SBF2: variants seen among roughly 807,000 people sequenced by gnomAD.
SBF2 encodes the protein SET binding factor 2.
SBF2 carries 112 observed loss-of-function variants against 225.2 expected under a neutral mutation model. The ratio of observed to expected loss-of-function variants is 0.50; its 90% CI spans 0.43 to 0.58. The LOEUF (loss-of-function observed/expected upper bound fraction) is 0.58. Ranked by LOEUF, SBF2 falls within the 20% of genes least tolerant of loss-of-function variation. SBF2 has a pLI of 0.00. For missense variants in SBF2, 1,996 were observed against 2,206.2 expected (o/e 0.90, Z 1.91); for synonymous variants, 763 against 773.3 (o/e 0.99, Z 0.22).
intron 2 of SBF2, among the ~76,000 whole-genome samples, chr11:10,044,981 TG>T (rs902622923): frequency 2.9e-4 from 44 of 152,160 alleles, no homozygotes; most frequent in African/African-American, 1.1e-3. Flanking sequence ...AGCAACAGCC[TG>T]GGCTCTATAG....
intron 21 of SBF2, among the ~76,000 whole-genome samples, chr11:9,852,352 G>A (rs748134420): frequency 2.0e-5 from 3 of 152,040 alleles, no homozygotes; most frequent in Non-Finnish European, 4.4e-5. Flanking sequence ...GGTGGGGGAG[G>A]GGGAGAAAAT....
intron 2 of SBF2, among the ~76,000 whole-genome samples, chr11:10,090,828 C>T (rs137993537): frequency 7.0e-6 from 1 of 143,760 alleles, no homozygotes; most frequent in Non-Finnish European, 1.5e-5. Context: ...AACAGTAATT[C>T]CCCTCTTCCT....
chr11:10,019,451 A>T (rs969715759), intron 6 of SBF2, among the ~76,000 whole-genome samples: 2 of 152,246 alleles, frequency 1.3e-5, no homozygotes, highest in African/African-American at 2.4e-5. Context: ...TAGATACAGT[A>T]AAATAGGGCA....
upstream of SBF2, among the ~76,000 whole-genome samples, chr11:10,294,754 G>A (rs955573931): frequency 6.6e-6 from 1 of 152,214 alleles, no homozygotes; most frequent in Non-Finnish European, 1.5e-5. Context: ...ATGCCGGGTG[G>A]GCCGGGGGCG....
chr11:10,149,196 C>T (rs539000558), intron 2 of SBF2: 1 of 152,502 alleles, frequency 6.6e-6, no homozygotes, highest in African/African-American at 2.4e-5. Context: ...TGTTAATTTA[C>T]TGGTGGCTAC....
chr11:10,171,712 T>C (rs1956195808), intron 2 of SBF2, among the ~76,000 whole-genome samples: 1 of 152,146 alleles, frequency 6.6e-6, no homozygotes, highest in South Asian at 2.1e-4. Flanking sequence ...GAGTCGAAAT[T>C]GCATTAGTTC....
intron 17 of SBF2, among the ~76,000 whole-genome samples, chr11:9,883,157 A>G (rs1353716661): frequency 6.6e-6 from 1 of 152,088 alleles, no homozygotes; most frequent in African/African-American, 2.4e-5. Context: ...CAGACACACA[A>G]AAAAGCTCCC....
chr11:9,986,682 T>C (rs371428367), intron 13 of SBF2, among the ~76,000 whole-genome samples: 50 of 152,188 alleles, frequency 3.3e-4, no homozygotes, highest in African/African-American at 9.2e-4. Flanking sequence ...CTAGAAGAGA[T>C]TGATACATTC....
chr11:10,034,643 A>G (rs1949371128), intron 3 of SBF2, among the ~76,000 whole-genome samples: 1 of 152,330 alleles, frequency 6.6e-6, no homozygotes, highest in African/African-American at 2.4e-5. Flanking sequence ...ATCTTCCCGC[A>G]GCATTTCTTA....
At position 9,984,150 on chromosome 11, in the gene SBF2, C is replaced by T. The variant is rs113613465; in HGVS notation, c.1395+5347G>A. ...TAATGAGGGAGGGAGCAGAGAAAGG[C>T]GAAGCCCAATGCAAGGAAATCCAAA... On this transcript the variant is annotated intron_variant, in intron 13 of 39. Transcript: ENST00000256190. 5.5e-3 allele frequency among the ~76,000 whole-genome samples: 843 copies of T among 152,150 alleles called. 14 individuals are homozygous for T. The highest frequency in any genetic ancestry group is 0.019 in the African/African-American group (781 of 41,496).
intron 38 of SBF2, 88 bp from the exon 39 acceptor site, chr11:9,781,726 G>A (rs1564846887): frequency 2.9e-5 from 42 of 1,470,252 alleles, no homozygotes; most frequent in Non-Finnish European, 2.5e-5. Flanking sequence ...ACCTTCCTCT[G>A]TACCTTGGTT....
At chr11:10,062,632 C>T (rs1368238280) in intron 2 of SBF2, among the ~76,000 whole-genome samples, 1 of 152,142 alleles carries the variant, frequency 6.6e-6, no homozygotes, top group Non-Finnish European at 1.5e-5. Flanking sequence ...ATCAAAACCA[C>T]AATGAGATAC....
chr11:10,278,573 G>A (rs576877597), intron 1 of SBF2, among the ~76,000 whole-genome samples: 2 of 152,226 alleles, frequency 1.3e-5, no homozygotes, highest in South Asian at 4.2e-4. Flanking sequence ...CTGAGGTCAG[G>A]AGTTTGAGAT....
chr11:10,116,017 A>C (rs1953121406), intron 2 of SBF2, among the ~76,000 whole-genome samples: 1 of 151,958 alleles, frequency 6.6e-6, no homozygotes, highest in Non-Finnish European at 1.5e-5. Flanking sequence ...AAATACAAAA[A>C]AATTAGCCAG....
chr11:10,082,757 AACAAACCC>A (rs1951415198), intron 2 of SBF2, among the ~76,000 whole-genome samples: 1 of 152,164 alleles, frequency 6.6e-6, no homozygotes, highest in South Asian at 2.1e-4. Context: ...AGCCATATAA[AACAAACCC>A]ACAGTCAACA....
At chr11:9,892,393 T>A (rs1307823052) in intron 17 of SBF2, among the ~76,000 whole-genome samples, 1 of 152,000 alleles carries the variant, frequency 6.6e-6, no homozygotes, top group Non-Finnish European at 1.5e-5. Context: ...TTTATCTGCA[T>A]GTGCTGGCAG....
chr11:10,009,871 A>G (rs1349576271), intron 6 of SBF2, among the ~76,000 whole-genome samples: 1 of 152,176 alleles, frequency 6.6e-6, no homozygotes, highest in African/African-American at 2.4e-5. Context: ...CACTCCCAAC[A>G]AGAGTGTAAA....
chr11:9,989,198 A>G (rs1947317817), intron 13 of SBF2, among the ~76,000 whole-genome samples: 1 of 152,168 alleles, frequency 6.6e-6, no homozygotes, highest in African/African-American at 2.4e-5. Context: ...CAGGGATGGA[A>G]AACCAAACAT....
intron 1 of SBF2, among the ~76,000 whole-genome samples, chr11:10,248,782 C>G (rs1304971408): frequency 1.3e-5 from 2 of 152,132 alleles, no homozygotes; most frequent in African/African-American, 4.8e-5. Context: ...TGTGGAAATT[C>G]TGTAAAAATT....
Sources: allele counts gnomAD v4.1 joint callset (sites outside exome capture counted in the v4.1 genomes callset), GRCh38; gene constraint gnomAD v4.1.1; transcripts MANE v1.5; gene names NCBI Gene and HGNC (gene_info 2026-07-23, HGNC 2026-07-21).